DNAH11: variants seen among roughly 807,000 people sequenced by gnomAD.
DNAH11 encodes the protein axonemal beta dynein heavy chain 11.
A neutral mutation model predicts 526.0 loss-of-function variants in DNAH11; 442 were observed. That is an observed-to-expected ratio of 0.84 (90% confidence interval 0.78 to 0.91). The LOEUF (loss-of-function observed/expected upper bound fraction) is 0.91. DNAH11 is among the 40% of genes least tolerant of loss of function. DNAH11 has a pLI of 0.00. For synonymous variants in DNAH11, 2,461 were observed against 1,935.9 expected, an observed-to-expected ratio of 1.27 and a Z score of -7.12; for missense variants, 6,989 against 5,448.7, an observed-to-expected ratio of 1.28 and a Z score of -8.90.
chr7:21,818,067 G>A, intron 64 of DNAH11, 150 bp from the exon 65 acceptor site: 1 of 662,328 alleles, frequency 1.5e-6, no homozygotes, highest in Admixed American at 3.5e-5. Flanking sequence ...GTGTAATCTA[G>A]TGGAAGGGAA....
chr7:21,860,746 A>T (rs1783031383), intron 68 of DNAH11, among the ~76,000 whole-genome samples: 1 of 152,180 alleles, frequency 6.6e-6, no homozygotes. Context: ...CACAGTGCTG[A>T]TAAAGACATA....
chr7:21,855,285 C>G (rs1782800319), intron 68 of DNAH11, among the ~76,000 whole-genome samples: 1 of 152,134 alleles, frequency 6.6e-6, no homozygotes. Context: ...CCCGCCTCAG[C>G]CTCCCAAAGT....
intron 56 of DNAH11, among the ~76,000 whole-genome samples, chr7:21,774,294 G>A (rs1328368457): frequency 1.3e-5 from 2 of 152,100 alleles, no homozygotes; most frequent in East Asian, 3.9e-4. Context: ...GACTTCTTCA[G>A]TGCACGGTAC....
chr7:21,615,295 A>T (rs766466358), intron 21 of DNAH11, 23 bp downstream of exon 21: 3 of 1,605,466 alleles, frequency 1.9e-6, no homozygotes, highest in African/African-American at 1.3e-5. Flanking sequence ...TTTTCAAAAC[A>T]TGCTTTTTAT....
intron 11 of DNAH11, 59 bp downstream of exon 11, chr7:21,588,695 A>G (rs1221918912): frequency 7.6e-6 from 12 of 1,570,626 alleles, no homozygotes; most frequent in South Asian, 5.5e-5. Flanking sequence ...GACATTTTAT[A>G]TAAGAGAGTG....
intron 66 of DNAH11, chr7:21,851,229 G>A (rs925835171): frequency 4.5e-6 from 1 of 220,174 alleles, no homozygotes; most frequent in Non-Finnish European, 9.2e-6. Context: ...AGATCTGATG[G>A]TTTTATAAGG....
intron 65 of DNAH11, among the ~76,000 whole-genome samples, chr7:21,829,234 AC>A (rs1790444649): frequency 8.0e-6 from 1 of 124,482 alleles, no homozygotes; most frequent in South Asian, 3.0e-4. Flanking sequence ...GTTTCCCCCC[AC>A]CCCCCGCCAA....
chr7:21,726,832 G>T lies in DNAH11; in HGVS notation c.7440+848G>T, dbSNP rs112075120. ...GCCGAGATCGCGCCACTGCACTCCAGCCTGGGCGACAGAGCAAGACTCTGT... is the reference window on the plus strand; with the variant it reads ...GCCGAGATCGCGCCACTGCACTCCATCCTGGGCGACAGAGCAAGACTCTGT... On this transcript the variant is annotated intron_variant, in intron 45 of 81. Transcript: ENST00000409508. Among the ~76,000 whole-genome samples the T allele has an allele frequency of 6.0e-3, 536 of 90,084 alleles. 5 individuals are homozygous for T. The highest frequency in any genetic ancestry group is 8.3e-3 in the Non-Finnish European group (430 of 51,838). 59.1% of individuals were successfully genotyped at this position (90,084 alleles called of 152,430 possible).
rs770439027 is a variant in DNAH11, at chr7:21,726,422, C to T, written c.7440+438C>T. Among the ~76,000 whole-genome samples, 12 of 151,826 alleles carry T rather than the reference C, an allele frequency of 7.9e-5. 1 individual carries two copies. Among genetic ancestry groups the T allele is most frequent in the East Asian group, 3.9e-4 (2 of 5,170 alleles). On this transcript the variant is annotated intron_variant, in intron 45 of 81. Coordinates refer to ENST00000409508, the MANE Select transcript of DNAH11 (RefSeq NM_001277115.2). ...GGGTCATAGATCCAAACCATATCAC[C>T]GATATTCAAGTGAAGTGTGCTGATG... is the stretch of plus-strand genomic sequence containing the variant.
chr7:21,860,855 C>T (rs1312004158), intron 68 of DNAH11, among the ~76,000 whole-genome samples: 1 of 152,150 alleles, frequency 6.6e-6, no homozygotes, highest in Non-Finnish European at 1.5e-5. Flanking sequence ...AGGCGAAAGG[C>T]ACTTCTTACA....
At chr7:21,750,120 A>G in intron 53 of DNAH11, 102 bp from the exon 54 acceptor site, 1 of 1,379,570 alleles carries the variant, frequency 7.2e-7, no homozygotes, top group South Asian at 1.5e-5. Context: ...CTTACCATTT[A>G]TGCTGAACTT....
At chr7:21,627,823 G>A (rs1010764131) in intron 25 of DNAH11, among the ~76,000 whole-genome samples, 5 of 152,112 alleles carry the variant, frequency 3.3e-5, no homozygotes, top group African/African-American at 1.2e-4. Flanking sequence ...AAAGTCATTG[G>A]TATTTTGATA....
At chr7:21,750,077 A>G in intron 53 of DNAH11, 145 bp from the exon 54 acceptor site, 4 of 1,181,994 alleles carry the variant, frequency 3.4e-6, no homozygotes, top group Non-Finnish European at 4.6e-6. Flanking sequence ...TCTCGTAAAT[A>G]AAAAAGAAAC....
At chr7:21,802,620 A>G (rs2127993995) in intron 62 of DNAH11, among the ~76,000 whole-genome samples, 1 of 152,318 alleles carries the variant, frequency 6.6e-6, no homozygotes, top group African/African-American at 2.4e-5. Flanking sequence ...TATAATGTTA[A>G]TAGCATTCAT....
chr7:21,819,450 A>C (rs1401179678), intron 65 of DNAH11, among the ~76,000 whole-genome samples: 1 of 152,212 alleles, frequency 6.6e-6, no homozygotes, highest in Non-Finnish European at 1.5e-5. Flanking sequence ...GAACAATCTA[A>C]CAAGCCACTT....
At chr7:21,600,485 A>G (rs1404075754) in intron 15 of DNAH11, among the ~76,000 whole-genome samples, 191 bp from the exon 16 acceptor site, 2 of 152,108 alleles carry the variant, frequency 1.3e-5, no homozygotes, top group African/African-American at 4.8e-5. Context: ...AAAAACCACC[A>G]GAAAACAAAA....
chr7:21,642,185 A>G (rs1186117997), intron 28 of DNAH11, among the ~76,000 whole-genome samples: 1 of 152,188 alleles, frequency 6.6e-6, no homozygotes, highest in Non-Finnish European at 1.5e-5. Context: ...AGGTCTTTTC[A>G]TGTACACTAC....
chr7:21,609,403 A>G (rs1358145198), intron 20 of DNAH11, among the ~76,000 whole-genome samples: 1 of 152,106 alleles, frequency 6.6e-6, no homozygotes, highest in Non-Finnish European at 1.5e-5. Flanking sequence ...TATTTTTAGT[A>G]GAGACAGGGT....
At chr7:21,606,867 A>C (rs1785309968) in intron 20 of DNAH11, 134 bp downstream of exon 20, 1 of 761,772 alleles carries the variant, frequency 1.3e-6, no homozygotes, top group East Asian at 2.7e-5. Context: ...ACCCAGTTAT[A>C]AGCAATTTCC....
Sources: gnomAD v4.1 joint callset for allele counts (sites outside exome capture counted in the v4.1 genomes callset) on GRCh38, gnomAD v4.1.1 for gene constraint, MANE v1.5 for transcripts, NCBI Gene and HGNC (gene_info 2026-07-23, HGNC 2026-07-21) for gene names.